Variants in FYB2 observed in about 807,000 individuals in gnomAD.
FYB2 encodes FYN binding protein 2, also known as FYN-binding protein 2.
In FYB2, 103 loss-of-function variants were observed where a neutral mutation model predicts 94.1. That is an observed-to-expected ratio of 1.09 (90% confidence interval 0.93 to 1.29). FYB2 has a LOEUF of 1.29. Ranked by LOEUF, FYB2 falls within the 50% of genes most tolerant of loss-of-function variation. FYB2 has a pLI of 0.00. For synonymous variants in FYB2, 293 were observed against 287.9 expected, an observed-to-expected ratio of 1.02 and a Z score of -0.18; for missense variants, 896 against 841.5, an observed-to-expected ratio of 1.06 and a Z score of -0.80.
intron 15 of FYB2, among the ~76,000 whole-genome samples, chr1:56,734,408 C>T (rs12142026): frequency 0.016 from 2,437 of 152,122 alleles, 37 homozygotes; most frequent in Non-Finnish European, 0.025. Flanking sequence ...GACTTGGAAC[C>T]AACCCAAATG....
intron 5 of FYB2, among the ~76,000 whole-genome samples, 180 bp downstream of exon 5, chr1:56,767,649 G>T (rs770123975): frequency 6.6e-6 from 1 of 151,990 alleles, no homozygotes; most frequent in Non-Finnish European, 1.5e-5. Flanking sequence ...CTGATGCCCA[G>T]CTGGATTTAT....
At chr1:56,767,685 G>GAAA in intron 5 of FYB2, 144 bp downstream of exon 5, 9 of 584,080 alleles carry the variant, frequency 1.5e-5, no homozygotes, top group Non-Finnish European at 2.3e-5. Context: ...ACCAGACACA[G>GAAA]AAAAAAAAAA....
rs769680611 is a variant in FYB2 at position 56,744,281 on chromosome 1, G to A, written c.1388-15C>T. The A allele has an allele frequency of 3.2e-6, 5 of 1,577,304 alleles. No individual in the cohort carries two copies. In the African/African-American group the frequency reaches 6.8e-5, roughly 21 times the overall value. Reference sequence around the variant, plus strand: ...CAGATGCCCACCTGAAAGGAAACCAGAAAACCTGAAAAACATCACATCAGC... The same window carrying A: ...CAGATGCCCACCTGAAAGGAAACCAAAAAACCTGAAAAACATCACATCAGC... On this transcript the variant is annotated splice_polypyrimidine_tract_variant and intron_variant, in intron 9 of 19. Coordinates refer to ENST00000343433, the MANE Select transcript of FYB2 (RefSeq NM_001004303.5).
rs201017181 is a variant in FYB2 at position 56,726,481 on chromosome 1, G to T, written c.1880+16C>A. The T allele has an allele frequency of 1.1e-5, 17 of 1,605,770 alleles. No individual in the cohort carries two copies. Among genetic ancestry groups the T allele is most frequent in the Non-Finnish European group, 1.4e-5 (17 of 1,175,196 alleles). Reference sequence around the variant, plus strand: ...GCAGCAGATAAGCTATAATAGAAGTGCCTCTGTGTTCCCACCTTTCTGATT... The same window carrying T: ...GCAGCAGATAAGCTATAATAGAAGTTCCTCTGTGTTCCCACCTTTCTGATT... On this transcript the variant is annotated intron_variant, in intron 16 of 19. Coordinates refer to ENST00000343433, the MANE Select transcript of FYB2 (RefSeq NM_001004303.5).
rs1644924333 is a variant in FYB2 at position 56,740,418 on chromosome 1, A to G, written c.1703+279T>C. Among the ~76,000 whole-genome samples the G allele has an allele frequency of 2.0e-5, 3 of 152,218 alleles. No homozygotes were observed. In the South Asian group the frequency reaches 6.2e-4, roughly 32 times the overall value. ...GAATAGGATGTTAAGGCTGATGAGG[A>G]AAGTTTCCTTTCTGGACTTCGCTTA... On this transcript the variant is annotated intron_variant, in intron 13 of 19. Transcript: ENST00000343433.
At chr1:56,825,855 C>T in the FYB2 span, among the ~76,000 whole-genome samples, 1 of 152,100 alleles carries the variant, frequency 6.6e-6, no homozygotes, top group South Asian at 2.1e-4. Flanking sequence ...TCATAGATAC[C>T]TCAAACTAAA....
rs2101026854 is a variant in FYB2, at chr1:56,801,198, C to T, written c.10-8395G>A. Among the ~76,000 whole-genome samples, 3 of 152,304 alleles carry T rather than the reference C, an allele frequency of 2.0e-5. No homozygotes were observed. The South Asian group carries it at 6.2e-4, about 32-fold the overall frequency. On this transcript the variant is annotated intron_variant, in intron 1 of 19. Transcript: ENST00000343433. ...ACTCATCTCTCTCCTGAAGAAATGG[C>T]TCTTCTTGTGCTCTCCCAAGCATGG...
At chr1:56,740,651 A>C (rs1644929825) in intron 13 of FYB2, 46 bp downstream of exon 13, 1 of 1,147,816 alleles carries the variant, frequency 8.7e-7, no homozygotes, top group Non-Finnish European at 1.3e-6. Context: ...TTGTGTATCT[A>C]CCAGGTTAAT....
intron 17 of FYB2, among the ~76,000 whole-genome samples, chr1:56,722,126 C>T (rs1644498235): frequency 6.6e-6 from 1 of 152,020 alleles, no homozygotes; most frequent in South Asian, 2.1e-4. Context: ...AAGTAATTGC[C>T]TCACTGTTGT....
intron 1 of FYB2, among the ~76,000 whole-genome samples, chr1:56,807,369 A>G (rs1014117089): frequency 2.0e-5 from 3 of 152,214 alleles, no homozygotes; most frequent in Non-Finnish European, 4.4e-5. Context: ...GCATGAAGAA[A>G]CAGTAAAAGA....
At chr1:56,742,355 A>G in intron 11 of FYB2, 134 bp from the exon 12 acceptor site, 2 of 578,742 alleles carry the variant, frequency 3.5e-6, no homozygotes. Flanking sequence ...TTTTTACTGA[A>G]ACTCACCCAC....
chr1:56,750,593 T>C (rs910154959), intron 9 of FYB2, among the ~76,000 whole-genome samples: 1 of 151,934 alleles, frequency 6.6e-6, no homozygotes, highest in Non-Finnish European at 1.5e-5. Flanking sequence ...GCAACCTGAA[T>C]AAAGTCAACA....
chr1:56,778,529 T>A (rs980082769), intron 4 of FYB2, among the ~76,000 whole-genome samples: 10 of 152,152 alleles, frequency 6.6e-5, no homozygotes, highest in African/African-American at 2.4e-4. Context: ...GTCACATCAT[T>A]AATTTTTGTC....
intron 8 of FYB2, among the ~76,000 whole-genome samples, chr1:56,752,928 G>A (rs1038607277): frequency 6.6e-6 from 1 of 152,028 alleles, no homozygotes; most frequent in African/African-American, 2.4e-5. Flanking sequence ...AGCCATTGAT[G>A]GCTTGGCTTT....
At chr1:56,740,439 G>A (rs373490554) in intron 13 of FYB2, among the ~76,000 whole-genome samples, 9 of 152,108 alleles carry the variant, frequency 5.9e-5, no homozygotes, top group Middle Eastern at 3.4e-3. Flanking sequence ...TCTGGACTTC[G>A]CTTAAGATTT....
At chr1:56,805,407 T>C (rs1557667273) in intron 1 of FYB2, among the ~76,000 whole-genome samples, 1 of 152,232 alleles carries the variant, frequency 6.6e-6, no homozygotes, top group East Asian at 1.9e-4. Context: ...GCTTATTATG[T>C]TAATGCATTT....
chr1:56,757,730 C>CTTTCT (rs1553159483), intron 6 of FYB2, among the ~76,000 whole-genome samples: 1 of 111,838 alleles, frequency 8.9e-6, no homozygotes, highest in Non-Finnish European at 1.9e-5. Context: ...TTCTTTCTTT[C>CTTTCT]TTTCATTCTT....
rs113895351 is a variant in FYB2 at position 56,813,045 on chromosome 1, C to T, written c.9+6237G>A. On this transcript the variant is annotated intron_variant, in intron 1 of 19. Coordinates refer to ENST00000343433, the MANE Select transcript of FYB2 (RefSeq NM_001004303.5). ...GAAGGATCTGTACCAGACCTCTCTC[C>T]TTGGCTTGTAGATGGCTGTCTTCAT... Among the ~76,000 whole-genome samples the T allele has an allele frequency of 3.6e-3, 553 of 152,272 alleles. 4 individuals are homozygous for T. Among genetic ancestry groups the T allele is most frequent in the African/African-American group, 0.013 (531 of 41,552 alleles).
chr1:56,722,766 A>T (rs1261696648), intron 17 of FYB2, among the ~76,000 whole-genome samples: 1 of 152,046 alleles, frequency 6.6e-6, no homozygotes, highest in Non-Finnish European at 1.5e-5. Flanking sequence ...GGACATAAAG[A>T]GCTTTCTATG....
Sources: gnomAD v4.1 joint callset for allele counts (sites outside exome capture counted in the v4.1 genomes callset) on GRCh38, gnomAD v4.1.1 for gene constraint, MANE v1.5 for transcripts, NCBI Gene and HGNC (gene_info 2026-07-23, HGNC 2026-07-21) for gene names.